Variants in XKR6 observed in about 807,000 individuals in gnomAD.
XKR6 encodes the protein XK related 6.
A neutral mutation model predicts 56.7 loss-of-function variants in XKR6; 22 were observed. The observed-to-expected ratio is 0.39, with a 90% confidence interval of 0.28 to 0.55. The LOEUF (loss-of-function observed/expected upper bound fraction) is 0.55, where lower values mean the gene tolerates loss of function less well. XKR6 is among the 20% of genes least tolerant of loss of function. XKR6 has a pLI of 0.66. For missense variants in XKR6, 852 were observed against 889.0 expected (o/e 0.96, Z 0.53); for synonymous variants, 524 against 387.8 (o/e 1.35, Z -4.13).
chr8:11,197,814 G>T (rs1803972258), intron 1 of XKR6, among the ~76,000 whole-genome samples: 1 of 152,192 alleles, frequency 6.6e-6, no homozygotes, highest in African/African-American at 2.4e-5. Context: ...ATGGCAAGAT[G>T]CAGAGAAGTG....
At chr8:11,086,133 A>AAAATAT (rs1554454121) in intron 1 of XKR6, among the ~76,000 whole-genome samples, 5 of 90,068 alleles carry the variant, frequency 5.6e-5, no homozygotes, top group African/African-American at 2.3e-4. Context: ...TTAAAAAGAA[A>AAAATAT]ATATATATAT....
At chr8:11,083,771 T>G (rs1461744657) in intron 1 of XKR6, among the ~76,000 whole-genome samples, 1 of 152,116 alleles carries the variant, frequency 6.6e-6, no homozygotes, top group Non-Finnish European at 1.5e-5. Flanking sequence ...AAAGTAACTG[T>G]CAAAAGCACA....
chr8:11,013,052 G>A (rs1405265234), intron 1 of XKR6, among the ~76,000 whole-genome samples: 1 of 152,190 alleles, frequency 6.6e-6, no homozygotes, highest in Non-Finnish European at 1.5e-5. Context: ...GGGAGGGGAA[G>A]TGAATTTCCC....
intron 1 of XKR6, among the ~76,000 whole-genome samples, chr8:11,015,388 G>A (rs143122234): frequency 8.7e-4 from 133 of 152,204 alleles, no homozygotes; most frequent in African/African-American, 3.1e-3. Context: ...GAAAGGTTTA[G>A]GGGAAGGAGA....
intron 1 of XKR6, among the ~76,000 whole-genome samples, chr8:11,174,765 C>T (rs1010655639): frequency 4.6e-5 from 7 of 152,028 alleles, no homozygotes; most frequent in African/African-American, 1.4e-4. Flanking sequence ...CCTGGAGTCT[C>T]GGGAGCACAT....
intron 1 of XKR6, among the ~76,000 whole-genome samples, chr8:10,978,335 G>T (rs1213307405): frequency 6.6e-6 from 1 of 152,086 alleles, no homozygotes; most frequent in African/African-American, 2.4e-5. Context: ...ATCCAACACT[G>T]GCCAATTTGA....
chr8:11,128,816 T>C (rs914404048), intron 1 of XKR6: 2 of 456,716 alleles, frequency 4.4e-6, no homozygotes, highest in Non-Finnish European at 8.8e-6. Context: ...CTTCAAAATA[T>C]ATCCAGAATC....
chr8:11,158,340 CTGAG>C (rs1801630142), intron 1 of XKR6, among the ~76,000 whole-genome samples: 1 of 152,166 alleles, frequency 6.6e-6, no homozygotes, highest in Admixed American at 6.5e-5. Context: ...AAGAGGAAGA[CTGAG>C]TGTACCAGAG....
At chr8:10,907,879 T>A (rs1188084104) in intron 2 of XKR6, among the ~76,000 whole-genome samples, 1 of 152,180 alleles carries the variant, frequency 6.6e-6, no homozygotes, top group Non-Finnish European at 1.5e-5. Flanking sequence ...GACACTTCTG[T>A]TCCATCTCTC....
At chr8:10,961,253 C>A (rs1212897835) in intron 1 of XKR6, among the ~76,000 whole-genome samples, 3 of 152,230 alleles carry the variant, frequency 2.0e-5, no homozygotes, top group African/African-American at 7.2e-5. Context: ...GAAGATCCCT[C>A]CGGCTCTAGT....
chr8:10,965,334 G>A (rs35271797), intron 1 of XKR6, among the ~76,000 whole-genome samples: 2,635 of 152,342 alleles, frequency 0.017, 34 homozygotes, highest in Non-Finnish European at 0.026. Context: ...GGGAGCAACG[G>A]TGGAAGGCTC....
intron 1 of XKR6, among the ~76,000 whole-genome samples, chr8:11,182,170 G>A (rs76991669): frequency 1.2e-3 from 183 of 152,340 alleles, no homozygotes; most frequent in African/African-American, 4.0e-3. Context: ...CCATGGCAGG[G>A]CTAGGGACTT....
chr8:11,156,998 T>A (rs756303672), intron 1 of XKR6, among the ~76,000 whole-genome samples: 2 of 152,232 alleles, frequency 1.3e-5, no homozygotes, highest in Non-Finnish European at 2.9e-5. Context: ...TCAGCCATGA[T>A]GTCATGTGAC....
intron 1 of XKR6, among the ~76,000 whole-genome samples, chr8:10,957,893 A>G (rs1232883839): frequency 6.6e-6 from 1 of 151,994 alleles, no homozygotes; most frequent in South Asian, 2.1e-4. Flanking sequence ...ATGATCCCCA[A>G]TGTGATTTTT....
rs558927631 is a variant in XKR6 at position 11,062,649 on chromosome 8, T to C, written c.765-137819A>G. 53 of 422,508 alleles carry C rather than the reference T, an allele frequency of 1.3e-4. No individual in the cohort carries two copies. The Admixed American group carries it at 1.3e-3, about 10-fold the overall frequency. The allele number at this position is 422,508 out of a possible 1,614,324, so 26.2% of individuals were successfully genotyped here. On this transcript the variant is annotated intron_variant, in intron 1 of 2. Transcript: ENST00000416569. ...CTTTTAAAAGCAAAGAATCCCACAA[T>C]AGTAAACATAATTACTCTTTAATGT...
intron 1 of XKR6, among the ~76,000 whole-genome samples, chr8:11,168,864 C>T (rs1802220158): frequency 6.6e-6 from 1 of 152,216 alleles, no homozygotes; most frequent in Admixed American, 6.5e-5. Context: ...TTTGTATAAC[C>T]AGTGGGCTTC....
At chr8:10,974,997 T>C (rs1241001019) in intron 1 of XKR6, among the ~76,000 whole-genome samples, 2 of 152,216 alleles carry the variant, frequency 1.3e-5, no homozygotes, top group African/African-American at 4.8e-5. Flanking sequence ...CAAGCTTTTT[T>C]TTAAAAAGAA....
chr8:11,102,030 T>C (rs1055155887), intron 1 of XKR6, among the ~76,000 whole-genome samples: 1 of 152,120 alleles, frequency 6.6e-6, no homozygotes, highest in African/African-American at 2.4e-5. Flanking sequence ...TCCAGCAACA[T>C]TTAGAAACAG....
intron 1 of XKR6, among the ~76,000 whole-genome samples, chr8:11,110,343 A>T (rs1177450727): frequency 6.6e-6 from 1 of 152,232 alleles, no homozygotes. Context: ...CTCTTAAAAC[A>T]AGCAAAGCAA....
Sources: gnomAD v4.1 joint callset for allele counts (sites outside exome capture counted in the v4.1 genomes callset) on GRCh38, gnomAD v4.1.1 for gene constraint, MANE v1.5 for transcripts, NCBI Gene and HGNC (gene_info 2026-07-23, HGNC 2026-07-21) for gene names.